CLNK: variants seen among roughly 807,000 people sequenced by gnomAD.
The protein encoded by CLNK is cytokine dependent hematopoietic cell linker, also known as cytokine-dependent hematopoietic cell linker.
Under a neutral mutation model 68.6 loss-of-function variants are expected in CLNK, and 74 were observed. The ratio of observed to expected loss-of-function variants is 1.08; its 90% CI spans 0.89 to 1.31. The LOEUF is 1.31. CLNK is among the 50% of genes most tolerant of loss of function. CLNK has a pLI of 0.00. For missense variants in CLNK, 553 were observed against 515.3 expected (o/e 1.07, Z -0.71); for synonymous variants, 198 against 172.2 (o/e 1.15, Z -1.17).
intron 18 of CLNK, among the ~76,000 whole-genome samples, chr4:10,496,861 A>G (rs1334729574): frequency 6.6e-6 from 1 of 152,228 alleles, no homozygotes; most frequent in Admixed American, 6.5e-5. Flanking sequence ...CCTCTAGCAG[A>G]TATTTAAACC....
intron 2 of CLNK, among the ~76,000 whole-genome samples, chr4:10,663,715 G>A (rs1392397414): frequency 2.0e-5 from 3 of 152,106 alleles, no homozygotes; most frequent in Admixed American, 1.3e-4. Context: ...AGTGCTTAGT[G>A]AGAGATAGTC....
chr4:10,609,385 C>G (rs574031186), intron 2 of CLNK, among the ~76,000 whole-genome samples: 26 of 152,310 alleles, frequency 1.7e-4, no homozygotes, highest in Admixed American at 3.3e-4. Flanking sequence ...TGGGGTCCAC[C>G]TGGGCTGCAT....
chr4:10,710,881 G>T, the CLNK span, among the ~76,000 whole-genome samples: 1 of 152,076 alleles, frequency 6.6e-6, no homozygotes. Context: ...GACAAATGAA[G>T]AATTTGATGA....
the CLNK span, among the ~76,000 whole-genome samples, chr4:10,722,061 C>T: frequency 0.42 from 64,244 of 152,032 alleles, 14,593 homozygotes; most frequent in East Asian, 0.58. Context: ...GTAATCCCGG[C>T]TACTCGGGAG....
chr4:10,583,441 C>T (rs1401664829), intron 4 of CLNK, among the ~76,000 whole-genome samples: 1 of 152,146 alleles, frequency 6.6e-6, no homozygotes, highest in African/African-American at 2.4e-5. Flanking sequence ...TGCCCACCAT[C>T]ATGCCCAGAT....
In CLNK at chr4:10,558,543, G is replaced by T. The variant is rs923533342; in HGVS notation, c.400-91C>A. 3 of 1,259,074 alleles carry T rather than the reference G, an allele frequency of 2.4e-6. No homozygotes were observed. The African/African-American group carries it at 4.4e-5, about 19-fold the overall frequency. The allele number at this position is 1,259,074 out of a possible 1,614,324, so 78.0% of individuals were successfully genotyped here. A position where few individuals can be genotyped will look rare whatever the true frequency, so the allele number is the denominator to read the frequency against. ...CACTCTCTGTGGTTAGGTTCCCAAG[G>T]ATAAAGCCGTAAGTCCCTGGGCTCT... On this transcript the variant is annotated intron_variant, in intron 7 of 18. Coordinates refer to ENST00000226951, the MANE Select transcript of CLNK (RefSeq NM_052964.4).
intron 7 of CLNK, among the ~76,000 whole-genome samples, chr4:10,559,964 T>C (rs1215550039): frequency 6.6e-6 from 1 of 152,018 alleles, no homozygotes; most frequent in Non-Finnish European, 1.5e-5. Flanking sequence ...TAGATGTCAG[T>C]AGAACTCAGT....
At chr4:10,592,599 T>G (rs1230556818) in intron 3 of CLNK, among the ~76,000 whole-genome samples, 1 of 152,022 alleles carries the variant, frequency 6.6e-6, no homozygotes, top group African/African-American at 2.4e-5. Context: ...AACAGCATCC[T>G]AGGGTTATCC....
intron 2 of CLNK, among the ~76,000 whole-genome samples, chr4:10,661,424 T>C (rs2108888978): frequency 6.6e-6 from 1 of 152,338 alleles, no homozygotes; most frequent in African/African-American, 2.4e-5. Flanking sequence ...AAGCATGATG[T>C]TCTTAATCAC....
intron 7 of CLNK, among the ~76,000 whole-genome samples, chr4:10,561,774 A>G (rs1222214794): frequency 4.6e-5 from 7 of 152,246 alleles, no homozygotes; most frequent in Non-Finnish European, 1.5e-5. Flanking sequence ...TAGCAGGAAA[A>G]TAGAAGAATT....
At chr4:10,619,839 G>A (rs901581861) in intron 2 of CLNK, among the ~76,000 whole-genome samples, 1 of 152,160 alleles carries the variant, frequency 6.6e-6, no homozygotes, top group African/African-American at 2.4e-5. Flanking sequence ...CTGAGGCTAA[G>A]GAGGGTAAAA....
intron 12 of CLNK, chr4:10,531,764 G>A (rs1480040096): frequency 2.2e-6 from 1 of 456,712 alleles, no homozygotes; most frequent in Non-Finnish European, 4.4e-6. Flanking sequence ...TATGGCTGAG[G>A]AAACAGAAAC....
chr4:10,615,448 C>T (rs1230925935), intron 2 of CLNK, among the ~76,000 whole-genome samples: 1 of 151,788 alleles, frequency 6.6e-6, no homozygotes, highest in Non-Finnish European at 1.5e-5. Flanking sequence ...ATCTGGGAGG[C>T]GGAGGTTGCA....
intron 7 of CLNK, among the ~76,000 whole-genome samples, chr4:10,562,235 CA>C (rs1319681769): frequency 6.6e-6 from 1 of 151,214 alleles, no homozygotes; most frequent in African/African-American, 2.4e-5. Context: ...GTGCTGGAAG[CA>C]CATAGAAATA....
In CLNK at chr4:10,566,146, C is replaced by T; in HGVS notation, c.155G>A (p.Arg52Lys). The T allele has an allele frequency of 1.2e-6, 2 of 1,613,536 alleles. No homozygotes were observed. The highest frequency in any genetic ancestry group is 8.5e-7 in the Non-Finnish European group (1 of 1,179,606). The part of the protein sequence containing the change: ...RMNKPLLDWE[R>K]NFAAVLDGAK... ...TCCATCCAGGACTGCAGCAAAGTTTCTTTCCTAAGCAGGTGGTAACATTCC... is the reference window on the plus strand; with the variant it reads ...TCCATCCAGGACTGCAGCAAAGTTTTTTTCCTAAGCAGGTGGTAACATTCC... Residue 52 changes from arginine (R) to lysine (K), a missense_variant, in exon 6 of 19, where the codon AGA becomes AAA. Arg to Lys is a conservative substitution (Grantham distance 26). Transcript: ENST00000226951.
At chr4:10,677,629 A>G (rs186431473) in intron 1 of CLNK, among the ~76,000 whole-genome samples, 6 of 152,052 alleles carry the variant, frequency 3.9e-5, no homozygotes, top group Non-Finnish European at 1.5e-5. Context: ...ATGGTTTTAT[A>G]AGGCAGTTTT....
chr4:10,623,152 C>T (rs189370377), intron 2 of CLNK, among the ~76,000 whole-genome samples: 1 of 152,308 alleles, frequency 6.6e-6, no homozygotes, highest in African/African-American at 2.4e-5. Flanking sequence ...CTACAGTTCT[C>T]ATTCCAGAAA....
intron 18 of CLNK, among the ~76,000 whole-genome samples, chr4:10,499,740 AAG>A (rs1716964312): frequency 3.3e-5 from 5 of 152,260 alleles, no homozygotes; most frequent in South Asian, 4.2e-4. Flanking sequence ...CTGAAGTCCC[AAG>A]GTCAAGGTGT....
chr4:10,525,757 A>G (rs1311877653), intron 14 of CLNK, 84 bp downstream of exon 14: 1 of 775,812 alleles, frequency 1.3e-6, no homozygotes, highest in Non-Finnish European at 2.1e-6. Flanking sequence ...CGTTTCTCAG[A>G]AAGTCTTTGT....
Sources: gnomAD v4.1 joint callset for allele counts (sites outside exome capture counted in the v4.1 genomes callset) on GRCh38, gnomAD v4.1.1 for gene constraint, MANE v1.5 for transcripts, NCBI Gene and HGNC (gene_info 2026-07-23, HGNC 2026-07-21) for gene names.